RSU1: variants seen among roughly 807,000 people sequenced by gnomAD.
The protein encoded by RSU1 is Ras suppressor protein 1, also known as rsu-1.
RSU1 carries 26 observed loss-of-function variants against 31.1 expected under a neutral mutation model. The observed-to-expected ratio is 0.84, with a 90% CI of 0.61 to 1.16. The LOEUF is 1.16. Among genes scored for constraint, RSU1 ranks in the 50% most tolerant of loss-of-function variants. The probability of loss-of-function intolerance (pLI) is 0.00; values close to 1 mark genes in which losing one functional copy is unlikely to be tolerated. For missense variants in RSU1, 320 were observed against 339.1 expected, an observed-to-expected ratio of 0.94 and a Z score of 0.44; for synonymous variants, 164 against 136.3, an observed-to-expected ratio of 1.20 and a Z score of -1.41.
In RSU1 at chr10:16,714,185, C is replaced by T. The variant is rs1341811803; in HGVS notation, c.599-19030G>A. On this transcript the variant is annotated intron_variant, in intron 7 of 8. Transcript: ENST00000345264. ...ATGGGTGTGGCTAGCTGAGCAGCTA[C>T]GTGGCTGTCTCTTCAAGAGGATGGA... Among the ~76,000 whole-genome samples, 8 of 152,282 alleles carry T rather than the reference C, an allele frequency of 5.3e-5. No individual in the cohort carries two copies. In the South Asian group the frequency reaches 1.0e-3, roughly 20 times the overall value.
intron 8 of RSU1, among the ~76,000 whole-genome samples, chr10:16,627,791 C>T (rs1036436457): frequency 6.6e-6 from 1 of 150,646 alleles, no homozygotes; most frequent in Non-Finnish European, 1.5e-5. Context: ...AAGAAGTAAC[C>T]GAATTATGGT....
intron 8 of RSU1, among the ~76,000 whole-genome samples, chr10:16,630,689 G>C (rs1444856569): frequency 6.6e-6 from 1 of 152,238 alleles, no homozygotes; most frequent in African/African-American, 2.4e-5. Flanking sequence ...TCCTTCTGCA[G>C]TGGTCATGAT....
At chr10:16,783,499 G>A (rs1837701333) in intron 2 of RSU1, among the ~76,000 whole-genome samples, 1 of 151,750 alleles carries the variant, frequency 6.6e-6, no homozygotes, top group Admixed American at 6.6e-5. Context: ...AGGACTACAG[G>A]TGCGTGCCAC....
At chr10:16,654,147 C>T (rs375371028) in intron 8 of RSU1, among the ~76,000 whole-genome samples, 12 of 151,694 alleles carry the variant, frequency 7.9e-5, no homozygotes, top group East Asian at 2.0e-4. Flanking sequence ...GGATTACACG[C>T]GCACACCATC....
intron 4 of RSU1, among the ~76,000 whole-genome samples, chr10:16,761,603 T>C (rs1837212826): frequency 6.6e-6 from 1 of 152,178 alleles, no homozygotes; most frequent in Non-Finnish European, 1.5e-5. Flanking sequence ...ACACCTGTAA[T>C]GCCAGCACTT....
intron 7 of RSU1, among the ~76,000 whole-genome samples, chr10:16,719,284 C>A (rs555516264): frequency 1.3e-5 from 2 of 152,040 alleles, no homozygotes; most frequent in Non-Finnish European, 2.9e-5. Context: ...CTCCAGCCTG[C>A]GCAACTGAGG....
intron 8 of RSU1, among the ~76,000 whole-genome samples, chr10:16,628,951 CT>C (rs1010889407): frequency 6.6e-6 from 1 of 152,182 alleles, no homozygotes; most frequent in African/African-American, 2.4e-5. Flanking sequence ...TACAGCTTTG[CT>C]TGTGTGTTCA....
intron 3 of RSU1, among the ~76,000 whole-genome samples, chr10:16,780,167 C>A (rs1025634516): frequency 2.6e-5 from 4 of 152,128 alleles, no homozygotes; most frequent in Non-Finnish European, 5.9e-5. Flanking sequence ...AGATTTCTAT[C>A]TTTGTGAAGA....
chr10:16,759,336 C>G lies in RSU1; in HGVS notation c.282-4347G>C, dbSNP rs537398485. Among the ~76,000 whole-genome samples, 5 of 150,308 alleles carry G rather than the reference C, an allele frequency of 3.3e-5. No individual in the cohort carries two copies. The South Asian group carries it at 8.4e-4, about 25-fold the overall frequency. On this transcript the variant is annotated intron_variant, in intron 4 of 8. Coordinates refer to ENST00000345264, the MANE Select transcript of RSU1 (RefSeq NM_012425.4). ...GCAACATGGCAAAAACCCGTCTATA[C>G]CAAAAAAAAAACCTACAAAAATCAG...
At chr10:16,797,423 G>C (rs781749583) in intron 2 of RSU1, among the ~76,000 whole-genome samples, 1 of 152,188 alleles carries the variant, frequency 6.6e-6, no homozygotes, top group Non-Finnish European at 1.5e-5. Context: ...TGTAAAGTTA[G>C]AAAAGCTATC....
chr10:16,789,529 G>A (rs1837868652), intron 2 of RSU1, among the ~76,000 whole-genome samples: 1 of 152,194 alleles, frequency 6.6e-6, no homozygotes, highest in Admixed American at 6.5e-5. Context: ...TTCCACTCGG[G>A]AATGGTGAGT....
intron 8 of RSU1, among the ~76,000 whole-genome samples, chr10:16,650,575 GC>G (rs1834664598): frequency 8.1e-6 from 1 of 124,038 alleles, no homozygotes; most frequent in South Asian, 2.8e-4. Context: ...GTCCTGAAAA[GC>G]TTTTTTTTTT....
chr10:16,781,588 A>G (rs1837649884), intron 3 of RSU1, among the ~76,000 whole-genome samples: 1 of 152,332 alleles, frequency 6.6e-6, no homozygotes, highest in East Asian at 1.9e-4. Flanking sequence ...ATGCTCACCA[A>G]TGGTCTGGCA....
chr10:16,640,868 T>C (rs1281112756), intron 8 of RSU1, among the ~76,000 whole-genome samples: 1 of 152,228 alleles, frequency 6.6e-6, no homozygotes, highest in Non-Finnish European at 1.5e-5. Flanking sequence ...ACTGAATCCC[T>C]TAGCCAAGGG....
chr10:16,727,639 T>C (rs1836426123), intron 7 of RSU1, among the ~76,000 whole-genome samples: 1 of 152,194 alleles, frequency 6.6e-6, no homozygotes, highest in African/African-American at 2.4e-5. Flanking sequence ...TCCGGATCCA[T>C]AGTGTGAAGC....
intron 4 of RSU1, 80 bp downstream of exon 4, chr10:16,764,310 A>G: frequency 1.4e-6 from 2 of 1,408,888 alleles, no homozygotes; most frequent in Non-Finnish European, 1.9e-6. Context: ...ATAATATAAA[A>G]GGAATCCCTC....
rs1554767081 is a variant in RSU1, at chr10:16,695,157, T to TA, written c.599-3_599-2insT. On this transcript the variant is annotated splice_polypyrimidine_tract_variant and splice_region_variant and intron_variant, in intron 7 of 8. Transcript: ENST00000345264. ...TCTGGCCAGTTAAATCCAAGTTTCC[T>TA]GGGGGGGGGGAAAAAAAAAGTGAAG... is the stretch of plus-strand genomic sequence containing the variant. The TA allele has an allele frequency of 1.1e-5, 13 of 1,202,520 alleles. No homozygotes were observed. In the African/African-American group the frequency reaches 1.7e-4, roughly 16 times the overall value. 74.5% of individuals were successfully genotyped at this position (1,202,520 alleles called of 1,614,324 possible). A position where few individuals can be genotyped will look rare whatever the true frequency, so the allele number is the denominator to read the frequency against.
intron 2 of RSU1, among the ~76,000 whole-genome samples, chr10:16,785,431 T>TATAC (rs55879836): frequency 1.6e-5 from 2 of 128,006 alleles, no homozygotes; most frequent in African/African-American, 3.9e-5. Flanking sequence ...TATATACATA[T>TATAC]ATATATATAC....
chr10:16,770,695 C>G (rs1837406953), intron 3 of RSU1, among the ~76,000 whole-genome samples: 1 of 152,182 alleles, frequency 6.6e-6, no homozygotes, highest in Admixed American at 6.5e-5. Context: ...TGAATTACAG[C>G]AAGGGGATGA....
Sources: gnomAD v4.1 joint callset for allele counts (sites outside exome capture counted in the v4.1 genomes callset) on GRCh38, gnomAD v4.1.1 for gene constraint, MANE v1.5 for transcripts, NCBI Gene and HGNC (gene_info 2026-07-23, HGNC 2026-07-21) for gene names.